Variants in PRSS35 observed in about 807,000 individuals in gnomAD.
PRSS35 encodes the protein serine protease 35.
A neutral mutation model predicts 8.1 loss-of-function variants in PRSS35; 7 were observed. That is an observed-to-expected ratio of 0.86 (90% CI 0.49 to 1.62). The LOEUF (loss-of-function observed/expected upper bound fraction) is 1.62. PRSS35 is among the 40% of genes most tolerant of loss of function. The probability of loss-of-function intolerance (pLI) is 0.00; values close to 1 mark genes in which losing one functional copy is unlikely to be tolerated. For synonymous variants in PRSS35, 199 were observed against 188.7 expected (o/e 1.05, Z -0.45); for missense variants, 566 against 518.0 (o/e 1.09, Z -0.90).
Position 83,524,103 on chromosome 6 carries a change from A to G in PRSS35, c.662A>G (p.Glu221Gly), listed in dbSNP as rs1159689072. 1 of 1,613,956 alleles carries G rather than the reference A, an allele frequency of 6.2e-7. No individual in the cohort carries two copies. Among genetic ancestry groups the G allele is most frequent in the Non-Finnish European group, 8.5e-7 (1 of 1,179,906 alleles). The change falls in exon 2 of 2, where the codon GAG becomes GGG. Residue 221 changes from glutamate to glycine, a missense_variant. By Grantham distance (98) the Glu-to-Gly change is moderately conservative. Transcript: ENST00000369700. ...GGTGACCAAAGAGAGGGTACCAGAGAGCATCTGCGGGAGAGAGCGAAGGGT... is the reference window on the plus strand; with the variant it reads ...GGTGACCAAAGAGAGGGTACCAGAGGGCATCTGCGGGAGAGAGCGAAGGGT... ...SGGDQREGTREHLRERAKGGR... is the reference protein window; with the variant it reads ...SGGDQREGTRGHLRERAKGGR...
intron 1 of PRSS35, among the ~76,000 whole-genome samples, chr6:83,516,391 G>A (rs1252253149): frequency 2.6e-5 from 4 of 151,458 alleles, no homozygotes; most frequent in South Asian, 2.1e-4. Context: ...TGGCCAACAC[G>A]GTGACACCCC....
intron 1 of PRSS35, among the ~76,000 whole-genome samples, chr6:83,516,916 G>C (rs1056102952): frequency 6.6e-6 from 1 of 152,112 alleles, no homozygotes; most frequent in Non-Finnish European, 1.5e-5. Context: ...TAATGTAATC[G>C]TATTTGTAAA....
chr6:83,518,664 A>G (rs1399063806), intron 1 of PRSS35, among the ~76,000 whole-genome samples: 2 of 152,230 alleles, frequency 1.3e-5, no homozygotes, highest in African/African-American at 4.8e-5. Flanking sequence ...AAATAAAAAT[A>G]TTTGACTGTA....
chr6:83,523,979 G>A lies in PRSS35; in HGVS notation c.538G>A (p.Gly180Arg), dbSNP rs568224541. 5 of 1,614,174 alleles carry A rather than the reference G, an allele frequency of 3.1e-6. No individual in the cohort carries two copies. In the Admixed American group the frequency reaches 5.0e-5, roughly 16 times the overall value. Residue 180 changes from glycine (G) to arginine (R), a missense_variant, in exon 2 of 2, where the codon GGG becomes AGG. Gly to Arg is a moderately radical substitution (Grantham distance 125, BLOSUM62 -2). Transcript: ENST00000369700. ...TCATGATGGAAAGGACTATGTCAAA[G>A]GGAGTAAAAAGCTAAGGGTAGGGTT... ...CVHDGKDYVK[G>R]SKKLRVGLLK...
At chr6:83,520,030 A>G (rs1483664369) in intron 1 of PRSS35, among the ~76,000 whole-genome samples, 1 of 150,794 alleles carries the variant, frequency 6.6e-6, no homozygotes, top group Non-Finnish European at 1.5e-5. Context: ...AGTTCACACC[A>G]CTGCACTCCA....
intron 1 of PRSS35, among the ~76,000 whole-genome samples, chr6:83,517,446 C>T (rs575751393): frequency 5.3e-5 from 8 of 152,348 alleles, no homozygotes; most frequent in African/African-American, 1.9e-4. Context: ...CTCTCCTCAG[C>T]ATCTGTTCCC....
Position 83,523,545 on chromosome 6 carries a change from C to A in PRSS35, c.104C>A (p.Pro35His). The A allele has an allele frequency of 6.2e-7, 1 of 1,614,026 alleles. No individual in the cohort carries two copies. The highest frequency in any genetic ancestry group is 8.5e-7 in the Non-Finnish European group (1 of 1,180,018). The change falls in exon 2 of 2, where the codon CCC becomes CAC. Residue 35 changes from proline (P) to histidine (H), a missense_variant. By Grantham distance (77) the Pro-to-His change is moderately conservative. Transcript: ENST00000369700. ...TTTATGTGGCACTTGAGAAAGGTAC[C>A]CCGGATTGTCAGTGAAAGGACTTTC... is the stretch of plus-strand genomic sequence containing the variant. ...WDFMWHLRKV[P>H]RIVSERTFHL...
In PRSS35 at chr6:83,525,286, AACTGTTTT is replaced by A. The variant is rs1462248605; in HGVS notation, c.*608_*615del. The A allele has an allele frequency of 4.2e-5, 7 of 166,974 alleles. No individual in the cohort carries two copies. Among genetic ancestry groups the A allele is most frequent in the African/African-American group, 1.4e-4 (6 of 41,464 alleles). 10.3% of individuals were successfully genotyped at this position (166,974 alleles called of 1,614,324 possible). A position where few individuals can be genotyped will look rare whatever the true frequency, so the allele number is the denominator to read the frequency against. ...AGCAAGCATTATAAACAAAACTAAT[AACTGTTTT>A]ACTGCTTTAAGAAATAACAATTACA... On this transcript the variant is annotated 3_prime_UTR_variant, in exon 2 of 2. Transcript: ENST00000369700.
At chr6:83,516,370 C>G (rs540071066) in intron 1 of PRSS35, among the ~76,000 whole-genome samples, 22 of 151,682 alleles carry the variant, frequency 1.5e-4, no homozygotes, top group African/African-American at 5.3e-4. Flanking sequence ...GTCAGGAGAT[C>G]GAGACCATCC....
chr6:83,515,556 G>A (rs923130256), intron 1 of PRSS35, among the ~76,000 whole-genome samples: 2 of 152,116 alleles, frequency 1.3e-5, no homozygotes, highest in Non-Finnish European at 1.5e-5. Flanking sequence ...CCAGGCTGGA[G>A]TGTAGTGACA....
chr6:83,519,106 TAGTA>T (rs1407611159), intron 1 of PRSS35, among the ~76,000 whole-genome samples: 1 of 152,212 alleles, frequency 6.6e-6, no homozygotes, highest in Non-Finnish European at 1.5e-5. Context: ...AAAAGGGTAA[TAGTA>T]AGTGATCTCG....
chr6:83,517,916 G>A (rs1771751804), intron 1 of PRSS35, among the ~76,000 whole-genome samples: 1 of 152,152 alleles, frequency 6.6e-6, no homozygotes, highest in African/African-American at 2.4e-5. Context: ...AGCCTCCCAG[G>A]AACTGTTTGA....
rs200639755 is a variant in PRSS35 at position 83,524,672 on chromosome 6, G to T, written c.1231G>T (p.Ala411Ser). ...GATTCACGGGAACGATGCCAATTGTGCTTACGGCTAACAGAGACCTGAAAC... is the reference window on the plus strand; with the variant it reads ...GATTCACGGGAACGATGCCAATTGTTCTTACGGCTAACAGAGACCTGAAAC... Reference protein sequence around the residue: ...LWIHGNDANCAYG With the variant: ...LWIHGNDANCSYG Residue 411 changes from alanine to serine, a missense_variant, in exon 2 of 2, where the codon GCT (alanine) becomes TCT (serine). Physicochemically the swap from Ala to Ser is moderately conservative, Grantham distance 99 (BLOSUM62 1). Coordinates refer to ENST00000369700, the MANE Select transcript of PRSS35 (RefSeq NM_153362.3). The T allele has an allele frequency of 3.2e-4, 512 of 1,606,856 alleles. 3 individuals are homozygous for T. Among genetic ancestry groups the T allele is most frequent in the Middle Eastern group, 1.7e-3 (10 of 5,856 alleles).
At chr6:83,523,367 T>C (rs1583460125) in intron 1 of PRSS35, 55 bp from the exon 2 acceptor site, 1 of 1,341,726 alleles carries the variant, frequency 7.5e-7, no homozygotes, top group East Asian at 2.3e-5. Context: ...ATGAAATGGA[T>C]AAGTAAGATT....
At chr6:83,517,310 C>CT (rs1771741392) in intron 1 of PRSS35, among the ~76,000 whole-genome samples, 2 of 152,144 alleles carry the variant, frequency 1.3e-5, no homozygotes, top group Non-Finnish European at 2.9e-5. Flanking sequence ...TCTTACTCCC[C>CT]TTTTTTATTA....
At position 83,523,849 on chromosome 6, in the gene PRSS35, A is replaced by G. The variant is rs1343088251; in HGVS notation, c.408A>G (p.Lys136=). The G allele has an allele frequency of 2.5e-6, 4 of 1,614,196 alleles. No homozygotes were observed. The African/African-American group carries it at 4.0e-5, about 16-fold the overall frequency. Residue 136 remains lysine (K), a synonymous_variant, in exon 2 of 2, where the codon AAA becomes AAG. Coordinates refer to ENST00000369700, the MANE Select transcript of PRSS35 (RefSeq NM_153362.3). The part of the protein sequence containing the change: ...GTDSRFSILD[K]RFLTNFPFST... The stretch of plus-strand genomic sequence containing the variant: ...ACAGCAGGTTCAGCATCTTGGACAA[A>G]AGGTTCTTAACCAATTTCCCTTTCA...
At chr6:83,516,855 G>T (rs1771732164) in intron 1 of PRSS35, among the ~76,000 whole-genome samples, 1 of 152,042 alleles carries the variant, frequency 6.6e-6, no homozygotes, top group African/African-American at 2.4e-5. Flanking sequence ...CCCTATGATT[G>T]CATTGGACCC....
In PRSS35 at chr6:83,524,485, G is replaced by A. The variant is rs1373734878; in HGVS notation, c.1044G>A (p.Ser348=). 1.2e-6 allele frequency: 2 copies of A among 1,613,964 alleles called. No homozygotes were observed. Among genetic ancestry groups the A allele is most frequent in the Admixed American group, 1.7e-5 (1 of 59,986 alleles). ...ATGCTGAGTCGGGCTCCACCGGTTC[G>A]GGGGTCTATCTGCGTCTGAAAGATC... ...YCDAESGSTG[S]GVYLRLKDPD... The change falls in exon 2 of 2, where the codon TCG becomes TCA. Residue 348 remains serine, a synonymous_variant. Transcript: ENST00000369700.
intron 1 of PRSS35, among the ~76,000 whole-genome samples, chr6:83,517,157 A>G (rs1301932756): frequency 3.9e-5 from 6 of 152,324 alleles, no homozygotes; most frequent in East Asian, 1.9e-4. Flanking sequence ...CTCAAATATT[A>G]TCTCTATCTA....
Sources: gnomAD v4.1 joint callset for allele counts (sites outside exome capture counted in the v4.1 genomes callset) on GRCh38, gnomAD v4.1.1 for gene constraint, MANE v1.5 for transcripts, NCBI Gene and HGNC (gene_info 2026-07-23, HGNC 2026-07-21) for gene names.